IMMP1L: variants seen among roughly 807,000 people sequenced by gnomAD.
IMMP1L encodes the protein inner mitochondrial membrane peptidase subunit 1, also known as mitochondrial inner membrane protease subunit 1.
In IMMP1L, 24 loss-of-function variants were observed where a neutral mutation model predicts 21.8. That is an observed-to-expected ratio of 1.10 (90% confidence interval 0.80 to 1.55). The LOEUF is 1.55. Ranked by LOEUF, IMMP1L falls within the 40% of genes most tolerant of loss-of-function variation. IMMP1L has a pLI of 0.00. For missense variants in IMMP1L, 195 were observed against 200.7 expected (o/e 0.97, Z 0.17); for synonymous variants, 46 against 62.8 (o/e 0.73, Z 1.26).
At position 31,445,792 on chromosome 11, in the gene IMMP1L, C is replaced by T. The variant is rs190856108; in HGVS notation, c.321+10468G>A. 8.0e-4 allele frequency among the ~76,000 whole-genome samples: 121 copies of T among 150,432 alleles called. 4 individuals carry two copies. In the South Asian group the frequency reaches 0.024, roughly 29 times the overall value. ...CAGGCTGGAGTGCAGTGGCACGAGA[C>T]GGATGGCATTTTTTAGTGATGATGC... On this transcript the variant is annotated intron_variant, in intron 4 of 5. Coordinates refer to ENST00000532287, the MANE Select transcript of IMMP1L (RefSeq NM_001304274.2).
chr11:31,472,299 C>G (rs530244619), intron 1 of IMMP1L, among the ~76,000 whole-genome samples: 4 of 152,316 alleles, frequency 2.6e-5, no homozygotes, highest in African/African-American at 7.2e-5. Flanking sequence ...AACTGTGGTT[C>G]CTCAGACCAG....
At position 31,509,507 on chromosome 11, in the gene IMMP1L, G is replaced by A. The variant is rs911209259; in HGVS notation, c.-30+12C>T. 26 of 518,618 alleles carry A rather than the reference G, an allele frequency of 5.0e-5. No individual in the cohort carries two copies. The highest frequency in any genetic ancestry group is 9.1e-5 in the Non-Finnish European group (26 of 286,344). The allele number at this position is 518,618 out of a possible 1,614,324, so 32.1% of individuals were successfully genotyped here. On this transcript the variant is annotated intron_variant, in intron 1 of 5. Transcript: ENST00000532287. ...ACTCAAAAGGAGAAGAACGTTACGT[G>A]ATATTACCTACCTCGGGCCCCAAAG...
At chr11:31,509,235 C>CTAAG (rs1281665345) in intron 1 of IMMP1L, among the ~76,000 whole-genome samples, 1 of 152,198 alleles carries the variant, frequency 6.6e-6, no homozygotes, top group Non-Finnish European at 1.5e-5. Context: ...CACTAACGAA[C>CTAAG]TAAGCCCAGA....
At chr11:31,445,334 C>A (rs2041535301) in intron 4 of IMMP1L, among the ~76,000 whole-genome samples, 1 of 152,170 alleles carries the variant, frequency 6.6e-6, no homozygotes. Context: ...TTTCCCAAAT[C>A]CAAACTCATC....
At chr11:31,509,394 A>G (rs1955921101) in intron 1 of IMMP1L, 125 bp downstream of exon 1, 1 of 195,658 alleles carries the variant, frequency 5.1e-6, no homozygotes, top group Non-Finnish European at 1.1e-5. Context: ...CCTCACACAC[A>G]GCGGAGAAAG....
At chr11:31,508,385 A>G (rs985521645) in intron 1 of IMMP1L, among the ~76,000 whole-genome samples, 2 of 152,250 alleles carry the variant, frequency 1.3e-5, no homozygotes, top group African/African-American at 4.8e-5. Context: ...TTAAGTCCAA[A>G]CAGACAGTAA....
chr11:31,505,434 AAGT>A (rs762843689), intron 1 of IMMP1L, among the ~76,000 whole-genome samples: 34 of 152,334 alleles, frequency 2.2e-4, no homozygotes, highest in Non-Finnish European at 1.3e-4. Flanking sequence ...GATGAGAAAG[AAGT>A]AGAAGAAGCA....
intron 1 of IMMP1L, among the ~76,000 whole-genome samples, chr11:31,501,676 G>A (rs866444727): frequency 5.3e-5 from 8 of 151,982 alleles, no homozygotes; most frequent in Non-Finnish European, 7.4e-5. Context: ...AATAATGGCC[G>A]AGCATGGTGG....
At chr11:31,481,944 C>T (rs550570154) in intron 1 of IMMP1L, among the ~76,000 whole-genome samples, 1 of 152,046 alleles carries the variant, frequency 6.6e-6, no homozygotes, top group East Asian at 1.9e-4. Context: ...TTTATGAATA[C>T]TATTGCTTAA....
chr11:31,435,171 C>T (rs905788487), intron 4 of IMMP1L, among the ~76,000 whole-genome samples: 7 of 152,068 alleles, frequency 4.6e-5, no homozygotes, highest in Admixed American at 4.6e-4. Flanking sequence ...AAAATTAAAA[C>T]ATTATGCAAA....
At chr11:31,500,595 A>G (rs113874991) in intron 1 of IMMP1L, among the ~76,000 whole-genome samples, 34 of 147,700 alleles carry the variant, frequency 2.3e-4, no homozygotes, top group African/African-American at 7.6e-4. Flanking sequence ...CCACATATGC[A>G]CACACACACA....
chr11:31,441,556 C>T (rs1378717942), intron 4 of IMMP1L, among the ~76,000 whole-genome samples: 1 of 152,042 alleles, frequency 6.6e-6, no homozygotes, highest in African/African-American at 2.4e-5. Context: ...CAACACCTGA[C>T]TTTCCTGATA....
At chr11:31,489,281 A>G (rs1447675284) in intron 1 of IMMP1L, among the ~76,000 whole-genome samples, 1 of 152,198 alleles carries the variant, frequency 6.6e-6, no homozygotes, top group African/African-American at 2.4e-5. Context: ...ACAAAAAACA[A>G]ACTTTTGCCT....
intron 4 of IMMP1L, among the ~76,000 whole-genome samples, chr11:31,444,650 C>T (rs929599451): frequency 4.0e-5 from 6 of 148,402 alleles, no homozygotes; most frequent in South Asian, 4.3e-4. Flanking sequence ...AGTGCCATGG[C>T]GCGATCTTGG....
At chr11:31,461,342 A>G (rs951190110) in intron 2 of IMMP1L, among the ~76,000 whole-genome samples, 2 of 152,110 alleles carry the variant, frequency 1.3e-5, no homozygotes, top group Admixed American at 1.3e-4. Context: ...TGTAATCCCA[A>G]AACTTTGGAA....
intron 4 of IMMP1L, chr11:31,449,025 A>G (rs1243087899): frequency 1.1e-5 from 11 of 984,780 alleles, no homozygotes; most frequent in Non-Finnish European, 1.3e-5. Context: ...GCAGTATGCC[A>G]TGATTGATTA....
chr11:31,486,993 A>C (rs1955099823), intron 1 of IMMP1L, among the ~76,000 whole-genome samples: 1 of 151,846 alleles, frequency 6.6e-6, no homozygotes, highest in Non-Finnish European at 1.5e-5. Flanking sequence ...TGCCAGTAAT[A>C]CTCTAAGGTT....
At position 31,485,841 on chromosome 11, in the gene IMMP1L, T is replaced by G. The variant is rs1024884408; in HGVS notation, c.-29-22536A>C. Among the ~76,000 whole-genome samples the G allele has an allele frequency of 1.1e-4, 16 of 151,830 alleles. 1 individual carries two copies. Among genetic ancestry groups the G allele is most frequent in the Admixed American group, 5.9e-4 (9 of 15,228 alleles). ...TTCCGAGGAAATCACTTTAATTCTG[T>G]AAAATGACTGATGTTCACAGTAACA... On this transcript the variant is annotated intron_variant, in intron 1 of 5. Coordinates refer to ENST00000532287, the MANE Select transcript of IMMP1L (RefSeq NM_001304274.2).
intron 4 of IMMP1L, among the ~76,000 whole-genome samples, chr11:31,441,752 T>C (rs1953337820): frequency 6.6e-6 from 1 of 152,152 alleles, no homozygotes; most frequent in Non-Finnish European, 1.5e-5. Flanking sequence ...TGTATTTTTC[T>C]TTCCTTTTTT....
Sources: allele counts gnomAD v4.1 joint callset (sites outside exome capture counted in the v4.1 genomes callset), GRCh38; gene constraint gnomAD v4.1.1; transcripts MANE v1.5; gene names NCBI Gene and HGNC (gene_info 2026-07-23, HGNC 2026-07-21).